TMPRSS7: variants seen among roughly 807,000 people sequenced by gnomAD.
TMPRSS7 encodes the protein transmembrane protease serine 7.
TMPRSS7 carries 81 observed loss-of-function variants against 95.6 expected under a neutral mutation model. The observed-to-expected ratio is 0.85, with a 90% CI of 0.71 to 1.02. TMPRSS7 has a LOEUF of 1.02. Ranked by LOEUF, TMPRSS7 falls within the 50% of genes least tolerant of loss-of-function variation. TMPRSS7 has a pLI of 0.00. For missense variants in TMPRSS7, 945 were observed against 955.2 expected, an observed-to-expected ratio of 0.99 and a Z score of 0.14; for synonymous variants, 364 against 337.8, an observed-to-expected ratio of 1.08 and a Z score of -0.85.
chr3:112,075,965 AT>A (rs770585506), intron 15 of TMPRSS7, among the ~76,000 whole-genome samples: 16 of 149,538 alleles, frequency 1.1e-4, no homozygotes, highest in African/African-American at 3.4e-4. Flanking sequence ...CTCATTCTGC[AT>A]TTTTTTTTTA....
At chr3:112,035,781 A>C (rs752605597) in intron 1 of TMPRSS7, among the ~76,000 whole-genome samples, 3 of 152,222 alleles carry the variant, frequency 2.0e-5, no homozygotes, top group Non-Finnish European at 4.4e-5. Flanking sequence ...TAGACAAGAA[A>C]ATAAAAGAGG....
chr3:112,073,494 G>A lies in TMPRSS7; in HGVS notation c.1667-802G>A, dbSNP rs1034689857. Reference sequence around the variant, plus strand: ...TTGCATTTCTCTGATGACCAGTGATGATGAGCATTTTTTCATGTGTCTGTT... The same window carrying A: ...TTGCATTTCTCTGATGACCAGTGATAATGAGCATTTTTTCATGTGTCTGTT... On this transcript the variant is annotated intron_variant, in intron 13 of 17. Transcript: ENST00000452346. 2.5e-4 allele frequency among the ~76,000 whole-genome samples: 38 copies of A among 152,162 alleles called. 1 individual carries two copies. Among genetic ancestry groups the A allele is most frequent in the Admixed American group, 1.2e-3 (18 of 15,276 alleles).
At chr3:112,066,250 A>G in intron 12 of TMPRSS7, 142 bp from the exon 13 acceptor site, 1 of 610,610 alleles carries the variant, frequency 1.6e-6, no homozygotes, top group Non-Finnish European at 2.8e-6. Context: ...TCCTCATGGA[A>G]GTGTCAGTTT....
chr3:112,036,914 A>G (rs1206784545), intron 1 of TMPRSS7, among the ~76,000 whole-genome samples: 1 of 152,208 alleles, frequency 6.6e-6, no homozygotes. Flanking sequence ...TGAAGAGTTC[A>G]TGGACATTTA....
At chr3:112,060,261 T>C (rs1259238453) in intron 10 of TMPRSS7, among the ~76,000 whole-genome samples, 10 of 152,142 alleles carry the variant, frequency 6.6e-5, no homozygotes, top group Admixed American at 5.9e-4. Context: ...AAAATTAAAA[T>C]TGCTAATGAA....
At chr3:112,045,843 C>G (rs1057488596) in exon 5 of TMPRSS7, 6 of 1,551,634 alleles carry the variant, frequency 3.9e-6, no homozygotes, top group Non-Finnish European at 4.4e-6. Context: ...ACTGTGTTGC[C>G]GCCATCTTGA....
chr3:112,067,039 C>T (rs982620786), intron 13 of TMPRSS7, among the ~76,000 whole-genome samples: 1 of 152,090 alleles, frequency 6.6e-6, no homozygotes, highest in South Asian at 2.1e-4. Flanking sequence ...TCCAAGTGTT[C>T]TCATTGTTCA....
At chr3:112,045,898 A>T (rs1559953604) in exon 5 of TMPRSS7, 1 of 1,551,816 alleles carries the variant, frequency 6.4e-7, no homozygotes, top group East Asian at 2.4e-5. Flanking sequence ...CTCTGTGGGG[A>T]GCTTGCAGGG....
chr3:112,051,947 A>G (rs2073365816), intron 9 of TMPRSS7, among the ~76,000 whole-genome samples: 3 of 152,120 alleles, frequency 2.0e-5, no homozygotes, highest in African/African-American at 7.2e-5. Context: ...TTGAATGACT[A>G]CTATGGGCCA....
chr3:112,045,983 A>G, intron 5 of TMPRSS7, 40 bp downstream of exon 5: 1 of 1,477,774 alleles, frequency 6.8e-7, no homozygotes, highest in Middle Eastern at 1.9e-4. Context: ...TCCTTCCTGC[A>G]GGACTCCTGA....
intron 2 of TMPRSS7, among the ~76,000 whole-genome samples, chr3:112,039,181 T>C (rs553036071): frequency 2.6e-5 from 4 of 152,214 alleles, no homozygotes; most frequent in Non-Finnish European, 5.9e-5. Context: ...ACACTGCAAG[T>C]ATAGCCTTTG....
At chr3:112,036,906 A>G (rs992204729) in intron 1 of TMPRSS7, among the ~76,000 whole-genome samples, 1 of 152,194 alleles carries the variant, frequency 6.6e-6, no homozygotes, top group Non-Finnish European at 1.5e-5. Context: ...ATAAATTGTG[A>G]AGAGTTCATG....
intron 13 of TMPRSS7, 68 bp from the exon 14 acceptor site, chr3:112,074,228 T>C (rs2073686678): frequency 1.8e-6 from 2 of 1,128,874 alleles, no homozygotes; most frequent in Non-Finnish European, 1.3e-6. Flanking sequence ...GAGTTATTCA[T>C]TCAAATCTCA....
At chr3:112,046,008 A>G (rs2073274381) in intron 5 of TMPRSS7, 65 bp downstream of exon 5, 4 of 1,330,960 alleles carry the variant, frequency 3.0e-6, no homozygotes, top group South Asian at 1.4e-5. Context: ...TGCCATGATT[A>G]TAGTCAACAT....
chr3:112,060,536 A>G (rs1366544238), intron 10 of TMPRSS7, among the ~76,000 whole-genome samples: 1 of 152,154 alleles, frequency 6.6e-6, no homozygotes, highest in Non-Finnish European at 1.5e-5. Flanking sequence ...GAATTCAGTG[A>G]TATTTCTCCC....
rs750002315 is a variant in TMPRSS7, at chr3:112,063,524, G to A, written c.1448-1G>A. On this transcript the variant is annotated splice_acceptor_variant, in intron 11 of 17. Transcript: ENST00000452346. LOFTEE classifies it high-confidence loss of function. ...ATTTTTTGATTTTTTGTTGCCCATA[G>A]CCTGCCCTGTTGGATCTTTTAGATG... The A allele has an allele frequency of 2.5e-6, 4 of 1,613,466 alleles. No individual in the cohort carries two copies. Among genetic ancestry groups the A allele is most frequent in the East Asian group, 4.5e-5 (2 of 44,882 alleles).
intron 10 of TMPRSS7, among the ~76,000 whole-genome samples, chr3:112,058,468 G>A (rs192958320): frequency 6.6e-6 from 1 of 152,250 alleles, no homozygotes; most frequent in East Asian, 1.9e-4. Context: ...TTCTTAATAA[G>A]TTTTTCTTGT....
At chr3:112,075,278 T>C in intron 14 of TMPRSS7, 43 bp from the exon 15 acceptor site, 1 of 1,360,158 alleles carries the variant, frequency 7.4e-7, no homozygotes. Context: ...CTAGTTTTTC[T>C]TCCAAGTCTA....
intron 5 of TMPRSS7, 81 bp from the exon 6 acceptor site, chr3:112,046,893 G>A: frequency 1.4e-6 from 1 of 692,728 alleles, no homozygotes; most frequent in Non-Finnish European, 2.6e-6. Context: ...AAGAAGGACT[G>A]AAAATAATTT....
Sources: gnomAD v4.1 joint callset for allele counts (sites outside exome capture counted in the v4.1 genomes callset) on GRCh38, gnomAD v4.1.1 for gene constraint, MANE v1.5 for transcripts, NCBI Gene and HGNC (gene_info 2026-07-23, HGNC 2026-07-21) for gene names.